CNTNAP2: variants seen among roughly 807,000 people sequenced by gnomAD.
CNTNAP2 encodes the protein contactin-associated protein-like 2.
A neutral mutation model predicts 155.2 loss-of-function variants in CNTNAP2; 98 were observed. That is an observed-to-expected ratio of 0.63 (90% CI 0.54 to 0.75). CNTNAP2 has a LOEUF of 0.75. Among genes scored for constraint, CNTNAP2 ranks in the 30% least tolerant of loss-of-function variants. The pLI is 0.00. For synonymous variants in CNTNAP2, 651 were observed against 631.2 expected, an observed-to-expected ratio of 1.03 and a Z score of -0.47; for missense variants, 1,727 against 1,688.1, an observed-to-expected ratio of 1.02 and a Z score of -0.40.
At chr7:147,481,974 C>T (rs2116629687) in intron 10 of CNTNAP2, among the ~76,000 whole-genome samples, 1 of 152,036 alleles carries the variant, frequency 6.6e-6, no homozygotes, top group East Asian at 1.9e-4. Context: ...ATATTTCTCA[C>T]AGTAAAAGAG....
Position 147,702,659 on chromosome 7 carries a change from G to T in CNTNAP2, c.2098+63353G>T, listed in dbSNP as rs116542645. Among the ~76,000 whole-genome samples the T allele has an allele frequency of 5.4e-3, 818 of 152,010 alleles. 11 individuals carry two copies. Among genetic ancestry groups the T allele is most frequent in the African/African-American group, 0.019 (774 of 41,472 alleles). On this transcript the variant is annotated intron_variant, in intron 13 of 23. Coordinates refer to ENST00000361727, the MANE Select transcript of CNTNAP2 (RefSeq NM_014141.6). ...GAAGCAGAACTTCCGGAGGCTTGCA[G>T]ATGGAGTGTTAATTGGTGATCTGAA...
chr7:147,357,764 C>T (rs1796088780), intron 9 of CNTNAP2, among the ~76,000 whole-genome samples: 2 of 152,060 alleles, frequency 1.3e-5, no homozygotes, highest in African/African-American at 4.8e-5. Context: ...TCCCTCTAAA[C>T]TTCATACTGT....
chr7:148,257,118 C>T (rs1268668482), intron 20 of CNTNAP2, among the ~76,000 whole-genome samples: 1 of 152,118 alleles, frequency 6.6e-6, no homozygotes, highest in African/African-American at 2.4e-5. Flanking sequence ...AGTCAGGTCA[C>T]AGCACAGGGG....
intron 1 of CNTNAP2, among the ~76,000 whole-genome samples, chr7:146,148,945 A>G (rs540068359): frequency 3.8e-4 from 57 of 151,566 alleles, no homozygotes; most frequent in Admixed American, 1.5e-3. Flanking sequence ...TGTTTACTCC[A>G]TATATGTCAA....
rs1266161900 is a variant in CNTNAP2 at position 146,160,649 on chromosome 7, CAAG to C, written c.97+43683_97+43685del. Reference sequence around the variant, plus strand: ...CACATATACCCTCCCAAGACTTAACCAAGAAGAAGTTGAATCCCTGAATAGACC... The same window carrying C: ...CACATATACCCTCCCAAGACTTAACCAAGAAGTTGAATCCCTGAATAGACC... On this transcript the variant is annotated intron_variant, in intron 1 of 23. Transcript: ENST00000361727. Among the ~76,000 whole-genome samples the C allele has an allele frequency of 1.3e-4, 20 of 152,172 alleles. No individual in the cohort carries two copies. In the East Asian group the frequency reaches 2.3e-3, roughly 18 times the overall value.
intron 15 of CNTNAP2, among the ~76,000 whole-genome samples, chr7:148,103,168 T>G (rs1450409219): frequency 1.3e-5 from 2 of 151,858 alleles, no homozygotes; most frequent in African/African-American, 4.8e-5. Flanking sequence ...TGTCTGTCCT[T>G]TGTCCACAAG....
chr7:146,687,439 G>T (rs1353427467), intron 1 of CNTNAP2, among the ~76,000 whole-genome samples: 1 of 151,814 alleles, frequency 6.6e-6, no homozygotes, highest in East Asian at 2.0e-4. Context: ...GCACGTAACG[G>T]ATATTAGCTA....
At chr7:148,318,920 A>G (rs985433483) in intron 21 of CNTNAP2, among the ~76,000 whole-genome samples, 1 of 152,260 alleles carries the variant, frequency 6.6e-6, no homozygotes, top group African/African-American at 2.4e-5. Flanking sequence ...AACTCAGCTT[A>G]CCAATTCTGG....
At chr7:147,915,945 TA>T (rs953166773) in intron 14 of CNTNAP2, among the ~76,000 whole-genome samples, 1 of 152,174 alleles carries the variant, frequency 6.6e-6, no homozygotes, top group Non-Finnish European at 1.5e-5. Context: ...AGTTGCCTCT[TA>T]ACAGGAGATT....
rs141875076 is a variant in CNTNAP2, at chr7:147,275,786, A to G, written c.1349-24355A>G. On this transcript the variant is annotated intron_variant, in intron 8 of 23. Transcript: ENST00000361727. Reference sequence around the variant, plus strand: ...TTTCAACTTTTCCTCATTCAGTGTGATGTTGGCTGTGAGTTTGTCATTTAT... The same window carrying G: ...TTTCAACTTTTCCTCATTCAGTGTGGTGTTGGCTGTGAGTTTGTCATTTAT... Among the ~76,000 whole-genome samples the G allele has an allele frequency of 1.8e-3, 270 of 152,096 alleles. 1 individual carries two copies. The highest frequency in any genetic ancestry group is 6.1e-3 in the African/African-American group (255 of 41,480).
intron 13 of CNTNAP2, among the ~76,000 whole-genome samples, chr7:147,683,082 A>T (rs192189449): frequency 2.0e-5 from 3 of 151,938 alleles, no homozygotes; most frequent in African/African-American, 4.8e-5. Context: ...AATTAATTCA[A>T]CTGAGTGGAC....
chr7:147,124,714 C>T (rs1053818082), intron 6 of CNTNAP2, among the ~76,000 whole-genome samples: 2 of 152,050 alleles, frequency 1.3e-5, no homozygotes, highest in African/African-American at 4.8e-5. Flanking sequence ...CTCTGCTTAG[C>T]AGTCGGTTCT....
intron 2 of CNTNAP2, among the ~76,000 whole-genome samples, chr7:146,791,279 T>A (rs1802669512): frequency 6.6e-6 from 1 of 152,214 alleles, no homozygotes; most frequent in South Asian, 2.1e-4. Context: ...TTCATCTTTT[T>A]TTATGGCTAC....
At chr7:146,197,295 A>G (rs767091859) in intron 1 of CNTNAP2, among the ~76,000 whole-genome samples, 4 of 152,216 alleles carry the variant, frequency 2.6e-5, no homozygotes, top group Non-Finnish European at 5.9e-5. Context: ...GGAACTTACT[A>G]AAGAATGTCT....
intron 1 of CNTNAP2, among the ~76,000 whole-genome samples, chr7:146,632,460 C>T (rs1246875486): frequency 6.6e-6 from 1 of 151,758 alleles, no homozygotes; most frequent in Non-Finnish European, 1.5e-5. Context: ...ATTTTAAAAT[C>T]GATTTAGACT....
intron 13 of CNTNAP2, among the ~76,000 whole-genome samples, chr7:147,762,429 A>T (rs1417717047): frequency 6.6e-6 from 1 of 152,054 alleles, no homozygotes; most frequent in Admixed American, 6.6e-5. Flanking sequence ...GGCAAACAGG[A>T]TGAGTTCAGT....
rs140663517 is a variant in CNTNAP2, at chr7:147,744,354, T to A, written c.2098+105048T>A. On this transcript the variant is annotated intron_variant, in intron 13 of 23. Transcript: ENST00000361727. The stretch of plus-strand genomic sequence containing the variant: ...TATTATTAAATATCAACTTTTCAAT[T>A]GACCTGGCCATAAACCATCTGTTGG... Among the ~76,000 whole-genome samples the A allele has an allele frequency of 1.7e-4, 26 of 152,320 alleles. No individual in the cohort carries two copies. The East Asian group carries it at 4.8e-3, about 28-fold the overall frequency.
chr7:146,626,348 T>C (rs1799418882), intron 1 of CNTNAP2, among the ~76,000 whole-genome samples: 1 of 152,144 alleles, frequency 6.6e-6, no homozygotes, highest in Non-Finnish European at 1.5e-5. Flanking sequence ...TTCTTACGCT[T>C]GTATCTATCA....
At chr7:147,434,811 G>A (rs916152294) in intron 10 of CNTNAP2, among the ~76,000 whole-genome samples, 25 of 152,190 alleles carry the variant, frequency 1.6e-4, no homozygotes, top group African/African-American at 1.9e-4. Context: ...GCTATGCTGC[G>A]CAGACTAAGC....
Sources: gnomAD v4.1 joint callset for allele counts (sites outside exome capture counted in the v4.1 genomes callset) on GRCh38, gnomAD v4.1.1 for gene constraint, MANE v1.5 for transcripts, NCBI Gene and HGNC (gene_info 2026-07-23, HGNC 2026-07-21) for gene names.